SYNPR: variants seen among roughly 807,000 people sequenced by gnomAD.
SYNPR encodes synaptoporin.
SYNPR carries 23 observed loss-of-function variants against 32.9 expected under a neutral mutation model. The observed-to-expected ratio is 0.70, with a 90% CI of 0.50 to 0.99. The LOEUF is 0.99. Among genes scored for constraint, SYNPR ranks in the 50% least tolerant of loss-of-function variants. The pLI, the probability that SYNPR is intolerant of heterozygous loss-of-function variation, is 0.00. For missense variants in SYNPR, 318 were observed against 349.3 expected, an observed-to-expected ratio of 0.91 and a Z score of 0.71; for synonymous variants, 146 against 135.9, an observed-to-expected ratio of 1.07 and a Z score of -0.52.
chr3:63,600,483 C>T (rs1700024429), intron 4 of SYNPR, among the ~76,000 whole-genome samples: 1 of 152,158 alleles, frequency 6.6e-6, no homozygotes, highest in South Asian at 2.1e-4. Context: ...AAGGTATCCT[C>T]AAACTCAGGT....
chr3:63,413,789 C>G (rs1319838511), intron 2 of SYNPR, among the ~76,000 whole-genome samples: 1 of 152,080 alleles, frequency 6.6e-6, no homozygotes, highest in African/African-American at 2.4e-5. Flanking sequence ...AGAAAGATCC[C>G]TTACCAACTG....
At chr3:63,274,840 C>T (rs548533272), upstream of SYNPR, among the ~76,000 whole-genome samples, 3 of 152,280 alleles carry the variant, frequency 2.0e-5, no homozygotes, top group African/African-American at 4.8e-5. Context: ...CCCCTGCCCC[C>T]ACCTCGTTGT....
intron 3 of SYNPR, among the ~76,000 whole-genome samples, chr3:63,532,232 C>T (rs931836244): frequency 2.0e-5 from 3 of 152,198 alleles, no homozygotes; most frequent in Non-Finnish European, 4.4e-5. Context: ...CTCTTTCAAT[C>T]GTATGTTCCC....
chr3:63,535,440 G>GA (rs527967585), intron 3 of SYNPR, among the ~76,000 whole-genome samples: 132 of 152,032 alleles, frequency 8.7e-4, no homozygotes, highest in African/African-American at 2.8e-3. Flanking sequence ...ACATACAGAA[G>GA]AAAAAAGAAC....
rs1248996994 is a variant in SYNPR at position 63,408,233 on chromosome 3, GAAA to G, written c.85-72598_85-72596del. Reference sequence around the variant, plus strand: ...GGAAGGAAGGAAGGAAGGAAGGAAAGAAAGAAAGAAAGAAAGAAAGAAAGAAAG... The same window carrying G: ...GGAAGGAAGGAAGGAAGGAAGGAAAGGAAAGAAAGAAAGAAAGAAAGAAAG... On this transcript the variant is annotated intron_variant, in intron 2 of 5. Coordinates refer to ENST00000478300, the MANE Select transcript of SYNPR (RefSeq NM_001130003.2). Among the ~76,000 whole-genome samples the G allele has an allele frequency of 3.5e-4, 21 of 60,650 alleles. 1 individual carries two copies. Among genetic ancestry groups the G allele is most frequent in the South Asian group, 5.6e-4 (1 of 1,794 alleles). The allele number at this position is 60,650 out of a possible 152,430, so 39.8% of individuals were successfully genotyped here.
intron 2 of SYNPR, among the ~76,000 whole-genome samples, chr3:63,345,187 G>T (rs975858474): frequency 6.6e-6 from 1 of 152,166 alleles, no homozygotes; most frequent in Admixed American, 6.5e-5. Flanking sequence ...TTAATCTCGT[G>T]ACCTTTCATT....
intron 2 of SYNPR, among the ~76,000 whole-genome samples, chr3:63,415,885 G>A (rs1311556171): frequency 1.3e-5 from 2 of 152,144 alleles, no homozygotes; most frequent in Admixed American, 6.6e-5. Flanking sequence ...ATGCTCTTTG[G>A]TCAATCATGT....
rs73834608 is a variant in SYNPR at position 63,561,906 on chromosome 3, G to T, written c.408+5165G>T. ...TCTACTGAATATGTATGACAAGATT[G>T]CCCACCTTTAAGTAAAAATGAGAAT... On this transcript the variant is annotated intron_variant, in intron 4 of 5. Coordinates refer to ENST00000478300, the MANE Select transcript of SYNPR (RefSeq NM_001130003.2). Among the ~76,000 whole-genome samples, 224 of 152,220 alleles carry T rather than the reference G, an allele frequency of 1.5e-3. 1 individual carries two copies. The highest frequency in any genetic ancestry group is 5.0e-3 in the African/African-American group (207 of 41,532).
At chr3:63,597,214 C>G (rs958613424) in intron 4 of SYNPR, among the ~76,000 whole-genome samples, 4 of 152,068 alleles carry the variant, frequency 2.6e-5, no homozygotes, top group South Asian at 2.1e-4. Flanking sequence ...ACCACCAGGG[C>G]CACAATTATT....
intron 2 of SYNPR, among the ~76,000 whole-genome samples, chr3:63,279,538 G>A (rs2086608843): frequency 6.6e-6 from 1 of 152,222 alleles, no homozygotes; most frequent in African/African-American, 2.4e-5. Context: ...CAGGGCCACA[G>A]AGCCATGTCA....
rs752809098 is a variant in SYNPR, at chr3:63,615,511, G to A, written c.*30G>A. On this transcript the variant is annotated 3_prime_UTR_variant, in exon 6 of 6. Coordinates refer to ENST00000478300, the MANE Select transcript of SYNPR (RefSeq NM_001130003.2). Reference sequence around the variant, plus strand: ...GTAGCATTTGCATTCTTCTGCAGTCGCCTCACCATCTTCCATTTCAGTGGC... The same window carrying A: ...GTAGCATTTGCATTCTTCTGCAGTCACCTCACCATCTTCCATTTCAGTGGC... The A allele has an allele frequency of 2.1e-5, 33 of 1,589,920 alleles. No individual in the cohort carries two copies. The highest frequency in any genetic ancestry group is 1.8e-4 in the East Asian group (8 of 44,558).
At chr3:63,512,551 G>A (rs1386453220) in intron 3 of SYNPR, among the ~76,000 whole-genome samples, 1 of 152,104 alleles carries the variant, frequency 6.6e-6, no homozygotes, top group Non-Finnish European at 1.5e-5. Flanking sequence ...GTGAAAGAGG[G>A]AAAGTAGAAG....
At chr3:63,385,921 T>C (rs1258159010) in intron 2 of SYNPR, among the ~76,000 whole-genome samples, 1 of 152,212 alleles carries the variant, frequency 6.6e-6, no homozygotes, top group South Asian at 2.1e-4. Flanking sequence ...TTGCATAGAC[T>C]ATCGAAGCTA....
chr3:63,593,078 A>T (rs1005023455), intron 4 of SYNPR, among the ~76,000 whole-genome samples: 1 of 152,090 alleles, frequency 6.6e-6, no homozygotes, highest in Non-Finnish European at 1.5e-5. Flanking sequence ...TGTATATAAT[A>T]AGACCAACAT....
chr3:63,420,263 T>C (rs1414774341), intron 2 of SYNPR, among the ~76,000 whole-genome samples: 3 of 152,160 alleles, frequency 2.0e-5, no homozygotes, highest in African/African-American at 7.2e-5. Context: ...AAGGCCGAGA[T>C]AATTCTGAGA....
At chr3:63,364,431 G>A (rs1475181204) in intron 2 of SYNPR, among the ~76,000 whole-genome samples, 3 of 152,136 alleles carry the variant, frequency 2.0e-5, no homozygotes, top group African/African-American at 7.2e-5. Context: ...CATGGAGAAA[G>A]AAGAAGTCAT....
chr3:63,220,325 A>T, the SYNPR span, among the ~76,000 whole-genome samples: 6 of 152,206 alleles, frequency 3.9e-5, no homozygotes, highest in African/African-American at 1.4e-4. Flanking sequence ...CTTATGTTGG[A>T]ACTAAGCAAG....
At chr3:63,419,299 A>G (rs1178024453) in intron 2 of SYNPR, among the ~76,000 whole-genome samples, 1 of 152,204 alleles carries the variant, frequency 6.6e-6, no homozygotes, top group African/African-American at 2.4e-5. Flanking sequence ...AAACTGCTAT[A>G]GCCATCAAAA....
intron 2 of SYNPR, among the ~76,000 whole-genome samples, chr3:63,327,845 G>A (rs969822784): frequency 2.0e-5 from 3 of 152,072 alleles, no homozygotes; most frequent in African/African-American, 7.2e-5. Flanking sequence ...TAGGGATTGA[G>A]TAATAGGTGT....
Sources: allele counts gnomAD v4.1 joint callset (sites outside exome capture counted in the v4.1 genomes callset), GRCh38; gene constraint gnomAD v4.1.1; transcripts MANE v1.5; gene names NCBI Gene and HGNC (gene_info 2026-07-23, HGNC 2026-07-21).